GLP2R: variants seen among roughly 807,000 people sequenced by gnomAD.
The protein encoded by GLP2R is glucagon-like peptide 2 receptor.
In GLP2R, 59 loss-of-function variants were observed where a neutral mutation model predicts 68.2. The observed-to-expected ratio is 0.87, with a 90% CI of 0.70 to 1.07. The LOEUF (loss-of-function observed/expected upper bound fraction) is 1.07. Ranked by LOEUF, GLP2R falls within the 50% of genes least tolerant of loss-of-function variation. GLP2R has a pLI of 0.00. For missense variants in GLP2R, 548 were observed against 677.4 expected (o/e 0.81, Z 2.12); for synonymous variants, 270 against 265.4 (o/e 1.02, Z -0.17).
At chr17:9,841,184 T>C (rs1193759684) in intron 3 of GLP2R, among the ~76,000 whole-genome samples, 1 of 22,884 alleles carries the variant, frequency 4.4e-5, no homozygotes, top group Non-Finnish European at 1.6e-4. Flanking sequence ...GCCTAGCTAA[T>C]TTTTTTTTTT....
intron 3 of GLP2R, among the ~76,000 whole-genome samples, chr17:9,841,629 G>C (rs533035862): frequency 6.6e-6 from 1 of 152,216 alleles, no homozygotes; most frequent in Non-Finnish European, 1.5e-5. Context: ...GGGTGGAGCA[G>C]ATTTTGAAAA....
At chr17:9,865,726 C>T (rs1597394689) in intron 9 of GLP2R, 37 of 446,734 alleles carry the variant, frequency 8.3e-5, no homozygotes, top group South Asian at 6.3e-4. Context: ...ACCCTCCACC[C>T]CCCTGCAATT....
intron 4 of GLP2R, chr17:9,853,036 A>C (rs2066905784): frequency 2.0e-6 from 1 of 491,300 alleles, no homozygotes; most frequent in Middle Eastern, 6.3e-4. Context: ...TGTGATTTCA[A>C]AGCCCCCATG....
intron 5 of GLP2R, 80 bp downstream of exon 5, chr17:9,854,681 T>G: frequency 1.2e-6 from 1 of 842,812 alleles, no homozygotes; most frequent in South Asian, 1.4e-5. Context: ...TTCTAAGAGT[T>G]CCAGTAGATG....
rs762210239 is a variant in GLP2R at position 9,887,918 on chromosome 17, T to A, written c.1285-14T>A. 6.2e-7 allele frequency: 1 copy of A among 1,605,118 alleles called. No individual in the cohort carries two copies. The highest frequency in any genetic ancestry group is 8.5e-7 in the Non-Finnish European group (1 of 1,171,798). On this transcript the variant is annotated splice_polypyrimidine_tract_variant and intron_variant, in intron 11 of 12. Transcript: ENST00000262441. The stretch of plus-strand genomic sequence containing the variant: ...CGGAGTCAGATTTTATGCCATGTCC[T>A]CCTTTTGTTTCAGGGGTTCCTGGTG...
At chr17:9,831,747 C>T (rs1227528968) in intron 1 of GLP2R, among the ~76,000 whole-genome samples, 1 of 152,128 alleles carries the variant, frequency 6.6e-6, no homozygotes, top group Non-Finnish European at 1.5e-5. Context: ...GGCCTGTTCT[C>T]CTGTCACTGT....
intron 9 of GLP2R, among the ~76,000 whole-genome samples, chr17:9,864,296 T>A (rs934985361): frequency 2.0e-5 from 3 of 152,200 alleles, no homozygotes; most frequent in Non-Finnish European, 4.4e-5. Context: ...CCAGGCCTAC[T>A]GAATCCGAGT....
intron 3 of GLP2R, among the ~76,000 whole-genome samples, chr17:9,839,360 G>A (rs948031794): frequency 4.6e-5 from 7 of 152,030 alleles, no homozygotes; most frequent in African/African-American, 1.7e-4. Flanking sequence ...GGGACAGGGA[G>A]GAGTAGAAAA....
intron 4 of GLP2R, among the ~76,000 whole-genome samples, chr17:9,852,055 T>G (rs9674603): frequency 2.6e-5 from 3 of 113,798 alleles, no homozygotes; most frequent in Non-Finnish European, 5.1e-5. Context: ...TTTGTTTTTT[T>G]TTTTGTTTTT....
At chr17:9,858,679 T>C (rs1486435447) in intron 6 of GLP2R, among the ~76,000 whole-genome samples, 2 of 152,256 alleles carry the variant, frequency 1.3e-5, no homozygotes, top group East Asian at 3.8e-4. Flanking sequence ...ATTCTATTTC[T>C]TCTGTCAGCT....
chr17:9,867,569 G>A (rs188306045), intron 9 of GLP2R, among the ~76,000 whole-genome samples: 12 of 152,212 alleles, frequency 7.9e-5, no homozygotes, highest in Admixed American at 2.6e-4. Flanking sequence ...GAATCATCTC[G>A]GAAACTGGCA....
chr17:9,864,124 T>C (rs2067012115), intron 9 of GLP2R, among the ~76,000 whole-genome samples: 1 of 152,238 alleles, frequency 6.6e-6, no homozygotes, highest in African/African-American at 2.4e-5. Context: ...TCTTTTTGCC[T>C]GAGTCCCACC....
At chr17:9,874,114 A>G (rs376751640) in intron 10 of GLP2R, among the ~76,000 whole-genome samples, 16 of 152,306 alleles carry the variant, frequency 1.1e-4, no homozygotes, top group African/African-American at 3.8e-4. Flanking sequence ...TACAATGCCT[A>G]TTATCCTCTA....
chr17:9,883,161 A>G (rs1020311748), intron 11 of GLP2R, among the ~76,000 whole-genome samples: 1 of 152,202 alleles, frequency 6.6e-6, no homozygotes, highest in African/African-American at 2.4e-5. Context: ...TCAATAGAGA[A>G]CAATTATAAA....
intron 9 of GLP2R, among the ~76,000 whole-genome samples, chr17:9,870,267 C>A (rs2152043667): frequency 6.6e-6 from 1 of 152,174 alleles, no homozygotes; most frequent in African/African-American, 2.4e-5. Context: ...TTGTGGCTAC[C>A]TTAAGGGGAT....
Position 9,891,095 on chromosome 17 carries a change from A to T in GLP2R, c.*1390A>T, listed in dbSNP as rs1289153061. 1 of 152,188 alleles carries T rather than the reference A, an allele frequency of 6.6e-6. No individual in the cohort carries two copies. The highest frequency in any genetic ancestry group is 2.4e-5 in the African/African-American group (1 of 41,440). 9.4% of individuals were successfully genotyped at this position (152,188 alleles called of 1,614,324 possible). ...CCTTGTCTTCGGGGGAGTCAGTTTG[A>T]TACTCCTCAAGCAGGGCTGCCATAT... is the stretch of plus-strand genomic sequence containing the variant. On this transcript the variant is annotated 3_prime_UTR_variant, in exon 13 of 13. Transcript: ENST00000262441.
rs1410989520 is a variant in GLP2R at position 9,889,862 on chromosome 17, C to T, written c.*157C>T. 1 of 629,064 alleles carries T rather than the reference C, an allele frequency of 1.6e-6. No individual in the cohort carries two copies. Among genetic ancestry groups the T allele is most frequent in the Non-Finnish European group, 2.8e-6 (1 of 355,496 alleles). The allele number at this position is 629,064 out of a possible 1,614,324, so 39.0% of individuals were successfully genotyped here. A position where few individuals can be genotyped will look rare whatever the true frequency, so the allele number is the denominator to read the frequency against. On this transcript the variant is annotated 3_prime_UTR_variant, in exon 13 of 13. Transcript: ENST00000262441. Reference sequence around the variant, plus strand: ...AAGCTATCACAAGGTTCTTCAAGCTCTGTATGAAAGAGGCTGTGTGTCATG... The same window carrying T: ...AAGCTATCACAAGGTTCTTCAAGCTTTGTATGAAAGAGGCTGTGTGTCATG...
intron 4 of GLP2R, among the ~76,000 whole-genome samples, chr17:9,843,438 C>T (rs1265722824): frequency 6.6e-6 from 1 of 152,194 alleles, no homozygotes; most frequent in African/African-American, 2.4e-5. Flanking sequence ...AGGATTTAGT[C>T]ATCAGACATC....
intron 4 of GLP2R, among the ~76,000 whole-genome samples, chr17:9,853,467 A>C (rs1050300104): frequency 6.6e-6 from 1 of 152,222 alleles, no homozygotes; most frequent in African/African-American, 2.4e-5. Context: ...AACTTAAAAA[A>C]GGGAAAGAAT....
Sources: allele counts gnomAD v4.1 joint callset (sites outside exome capture counted in the v4.1 genomes callset), GRCh38; gene constraint gnomAD v4.1.1; transcripts MANE v1.5; gene names NCBI Gene and HGNC (gene_info 2026-07-23, HGNC 2026-07-21).